TMEM248: variants seen among roughly 807,000 people sequenced by gnomAD.
The protein encoded by TMEM248 is transmembrane protein 248.
A neutral mutation model predicts 30.3 loss-of-function variants in TMEM248; 9 were observed. The ratio of observed to expected loss-of-function variants is 0.30; its 90% CI spans 0.18 to 0.52. The LOEUF (loss-of-function observed/expected upper bound fraction) is 0.52. Among genes scored for constraint, TMEM248 ranks in the 20% least tolerant of loss-of-function variants. The pLI is 0.97. For missense variants in TMEM248, 338 were observed against 403.3 expected (o/e 0.84, Z 1.39); for synonymous variants, 184 against 154.4 (o/e 1.19, Z -1.42).
At chr7:66,948,815 C>A in intron 4 of TMEM248, 121 bp downstream of exon 4, 1 of 1,083,718 alleles carries the variant, frequency 9.2e-7, no homozygotes. Flanking sequence ...ATAGAATTAT[C>A]TCTACTCGGA....
intron 1 of TMEM248, among the ~76,000 whole-genome samples, chr7:66,924,771 C>T (rs1159389061): frequency 1.3e-5 from 2 of 151,716 alleles, no homozygotes; most frequent in Non-Finnish European, 2.9e-5. Flanking sequence ...AGTGTAGTGG[C>T]ATGACCTCGG....
rs1792417934 is a variant in TMEM248 at position 66,956,875 on chromosome 7, C to G, written c.*1353C>G. On this transcript the variant is annotated 3_prime_UTR_variant, in exon 7 of 7. Transcript: ENST00000341567. ...TTTTTTGTAGAGACAGAGTCTCCCTCTGTTGCCCAGGCTGGTCTGGAACTC... is the reference window on the plus strand; with the variant it reads ...TTTTTTGTAGAGACAGAGTCTCCCTGTGTTGCCCAGGCTGGTCTGGAACTC... 1.3e-5 allele frequency: 2 copies of G among 151,526 alleles called. No individual in the cohort carries two copies. The highest frequency in any genetic ancestry group is 1.5e-5 in the Non-Finnish European group (1 of 67,856). The allele number at this position is 151,526 out of a possible 1,614,324, so 9.4% of individuals were successfully genotyped here.
rs1382504311 is a variant in TMEM248 at position 66,955,718 on chromosome 7, C to T, written c.*196C>T. On this transcript the variant is annotated 3_prime_UTR_variant, in exon 7 of 7. Transcript: ENST00000341567. ...ATTCAGAAATTGGTCCAATAATGCA[C>T]GTGCTTTGCCCTGGGTACAGCCAGA... 1.5e-6 allele frequency: 1 copy of T among 678,310 alleles called. No homozygotes were observed. Among genetic ancestry groups the T allele is most frequent in the Middle Eastern group, 4.2e-4 (1 of 2,394 alleles). 42.0% of individuals were successfully genotyped at this position (678,310 alleles called of 1,614,324 possible).
intron 1 of TMEM248, among the ~76,000 whole-genome samples, chr7:66,932,700 G>A (rs1562938431): frequency 1.3e-5 from 2 of 151,120 alleles, no homozygotes; most frequent in Non-Finnish European, 2.9e-5. Context: ...ATTTTTAGTA[G>A]AGATGGGGTT....
At chr7:66,933,430 A>G (rs1299860802) in intron 1 of TMEM248, among the ~76,000 whole-genome samples, 1 of 152,196 alleles carries the variant, frequency 6.6e-6, no homozygotes, top group Admixed American at 6.5e-5. Context: ...TTTTTTAACA[A>G]TTGCAAACAC....
At chr7:66,924,143 G>A (rs897256412) in intron 1 of TMEM248, among the ~76,000 whole-genome samples, 4 of 152,230 alleles carry the variant, frequency 2.6e-5, no homozygotes, top group Non-Finnish European at 2.9e-5. Flanking sequence ...TTGTTTCAGT[G>A]CCTGTGTTCA....
intron 1 of TMEM248, among the ~76,000 whole-genome samples, chr7:66,924,615 G>C (rs1449782335): frequency 6.6e-6 from 1 of 152,120 alleles, no homozygotes; most frequent in Non-Finnish European, 1.5e-5. Flanking sequence ...ATGTTGGTCA[G>C]GCTGGTCTCA....
chr7:66,957,753 CAG>C lies in TMEM248; in HGVS notation c.*2236_*2237del, dbSNP rs1327880056. 3 of 152,138 alleles carry C rather than the reference CAG, an allele frequency of 2.0e-5. 1 individual carries two copies. The highest frequency in any genetic ancestry group is 7.2e-5 in the African/African-American group (3 of 41,416). 9.4% of individuals were successfully genotyped at this position (152,138 alleles called of 1,614,324 possible). ...ATATTAGTTACCCTTGTTTTAATGA[CAG>C]AGAGTGGCTGGAATCTGTAGCTAGG... On this transcript the variant is annotated 3_prime_UTR_variant, in exon 7 of 7. Transcript: ENST00000341567.
chr7:66,949,756 CT>C (rs1792212928), intron 4 of TMEM248, among the ~76,000 whole-genome samples: 1 of 151,520 alleles, frequency 6.6e-6, no homozygotes, highest in Non-Finnish European at 1.5e-5. Flanking sequence ...GAAGCTTTTC[CT>C]TCAGTGTTTT....
intron 1 of TMEM248, among the ~76,000 whole-genome samples, chr7:66,925,151 G>T (rs958392167): frequency 6.6e-6 from 1 of 151,984 alleles, no homozygotes; most frequent in African/African-American, 2.4e-5. Context: ...CTCCTGAGTG[G>T]CTGGGAGCAC....
At chr7:66,952,588 C>A (rs1313219075) in intron 5 of TMEM248, among the ~76,000 whole-genome samples, 1 of 152,152 alleles carries the variant, frequency 6.6e-6, no homozygotes. Context: ...TGTCCTGAGG[C>A]CTGGAGATAC....
At chr7:66,925,446 C>G (rs1791497807) in intron 1 of TMEM248, among the ~76,000 whole-genome samples, 1 of 152,158 alleles carries the variant, frequency 6.6e-6, no homozygotes, top group Non-Finnish European at 1.5e-5. Context: ...GCTTCTGTAA[C>G]CATAGTTCTG....
intron 2 of TMEM248, among the ~76,000 whole-genome samples, chr7:66,942,778 G>C (rs931885358): frequency 2.0e-5 from 3 of 151,660 alleles, no homozygotes; most frequent in African/African-American, 7.3e-5. Flanking sequence ...TTACCGGTGT[G>C]AGCCACCGCA....
At chr7:66,933,892 A>C (rs371405027) in intron 1 of TMEM248, among the ~76,000 whole-genome samples, 1 of 152,082 alleles carries the variant, frequency 6.6e-6, no homozygotes, top group East Asian at 1.9e-4. Context: ...GGTCAATACC[A>C]GGATGCCCTA....
At chr7:66,924,774 G>A (rs1471248011) in intron 1 of TMEM248, among the ~76,000 whole-genome samples, 1 of 151,648 alleles carries the variant, frequency 6.6e-6, no homozygotes, top group Admixed American at 6.6e-5. Flanking sequence ...GTAGTGGCAT[G>A]ACCTCGGTCA....
At chr7:66,955,318 G>A (rs537473686) in intron 6 of TMEM248, among the ~76,000 whole-genome samples, 184 bp from the exon 7 acceptor site, 2 of 152,352 alleles carry the variant, frequency 1.3e-5, no homozygotes, top group Admixed American at 6.5e-5. Flanking sequence ...GATGGGCCGC[G>A]TCTTGCAGGA....
At chr7:66,951,809 T>C (rs1792275855) in intron 5 of TMEM248, among the ~76,000 whole-genome samples, 3 of 151,980 alleles carry the variant, frequency 2.0e-5, no homozygotes, top group African/African-American at 4.8e-5. Context: ...TACAGGTGCA[T>C]GTCACCATGC....
intron 5 of TMEM248, among the ~76,000 whole-genome samples, chr7:66,952,498 G>A (rs1584417471): frequency 6.6e-6 from 1 of 152,324 alleles, no homozygotes. Flanking sequence ...TGTGTTTGGG[G>A]CGTGGGTGTT....
chr7:66,939,977 A>G (rs1791906184), intron 1 of TMEM248, among the ~76,000 whole-genome samples: 1 of 151,940 alleles, frequency 6.6e-6, no homozygotes, highest in Admixed American at 6.6e-5. Flanking sequence ...TTTAATTGAG[A>G]CAGTCTCATT....
Sources: gnomAD v4.1 joint callset for allele counts (sites outside exome capture counted in the v4.1 genomes callset) on GRCh38, gnomAD v4.1.1 for gene constraint, MANE v1.5 for transcripts, NCBI Gene and HGNC (gene_info 2026-07-23, HGNC 2026-07-21) for gene names.